Variants in PIK3C2G observed in about 807,000 individuals in gnomAD.
PIK3C2G encodes phosphatidylinositol-4-phosphate 3-kinase catalytic subunit type 2 gamma.
A neutral mutation model predicts 181.1 loss-of-function variants in PIK3C2G; 168 were observed. That is an observed-to-expected ratio of 0.93 (90% CI 0.82 to 1.05). The LOEUF (loss-of-function observed/expected upper bound fraction) is 1.05. Among genes scored for constraint, PIK3C2G ranks in the 50% least tolerant of loss-of-function variants. PIK3C2G has a pLI of 0.00. For synonymous variants in PIK3C2G, 573 were observed against 592.2 expected (o/e 0.97, Z 0.47); for missense variants, 1,869 against 1,732.8 (o/e 1.08, Z -1.40).
intron 12 of PIK3C2G, among the ~76,000 whole-genome samples, chr12:18,368,825 A>T (rs1397493871): frequency 2.6e-5 from 4 of 152,162 alleles, no homozygotes; most frequent in Non-Finnish European, 5.9e-5. Flanking sequence ...TGGTCATTGA[A>T]TTAAATTAAC....
Position 18,311,487 on chromosome 12 carries a change from TATAG to T in PIK3C2G, c.1035-2469_1035-2466del, listed in dbSNP as rs146089824. ...ATCTATATCTATATATCTCTATCTA[TATAG>T]ATAGACACACACATATATACACCTA... On this transcript the variant is annotated intron_variant, in intron 5 of 32. Coordinates refer to ENST00000538779, the MANE Select transcript of PIK3C2G (RefSeq NM_001288772.2). Among the ~76,000 whole-genome samples, 1,040 of 151,754 alleles carry T rather than the reference TATAG, an allele frequency of 6.9e-3. 8 individuals are homozygous for T. The highest frequency in any genetic ancestry group is 0.012 in the African/African-American group (503 of 41,366).
In PIK3C2G at chr12:18,350,734, G is replaced by A. The variant is rs550426191; in HGVS notation, c.1625+3898G>A. 3.3e-5 allele frequency among the ~76,000 whole-genome samples: 5 copies of A among 152,204 alleles called. No individual in the cohort carries two copies. The South Asian group carries it at 1.0e-3, about 32-fold the overall frequency. On this transcript the variant is annotated intron_variant, in intron 11 of 32. Transcript: ENST00000538779. ...TATACCAACCAAATATTGGCATAAA[G>A]ACCAACATAATGGACTCTGAATCAA...
In PIK3C2G at chr12:18,503,343, A is replaced by C; in HGVS notation, c.3079A>C (p.Ile1027Leu). The C allele has an allele frequency of 6.2e-7, 1 of 1,611,552 alleles. No individual in the cohort carries two copies. Among genetic ancestry groups the C allele is most frequent in the South Asian group, 1.1e-5 (1 of 90,914 alleles). ...AAAGATTCATCGCCATTCTGGACTG[A>C]TAGGACCATTGAAAGAAAATACAAT... ...LAKIHRHSGLIGPLKENTIKK... is the reference protein window; with the variant it reads ...LAKIHRHSGLLGPLKENTIKK... The change falls in exon 23 of 33, where the codon ATA becomes CTA. Residue 1027 changes from isoleucine to leucine, a missense_variant. Physicochemically the swap from Ile to Leu is conservative, Grantham distance 5 (BLOSUM62 2). Transcript: ENST00000538779.
intron 5 of PIK3C2G, among the ~76,000 whole-genome samples, chr12:18,303,335 C>CTCTT (rs149922332): frequency 1.4e-5 from 2 of 147,280 alleles, no homozygotes; most frequent in Middle Eastern, 3.5e-3. Context: ...TTCTCTCTCT[C>CTCTT]TCTTTCTTTC....
chr12:18,301,104 T>G (rs1183573670), intron 5 of PIK3C2G, among the ~76,000 whole-genome samples: 1 of 152,186 alleles, frequency 6.6e-6, no homozygotes, highest in African/African-American at 2.4e-5. Flanking sequence ...TCCTTCCATG[T>G]GACTCAATGC....
intron 24 of PIK3C2G, among the ~76,000 whole-genome samples, chr12:18,535,990 A>T (rs1202120668): frequency 1.3e-5 from 2 of 152,022 alleles, no homozygotes; most frequent in Non-Finnish European, 2.9e-5. Context: ...GGATAGCATT[A>T]GGAGATATAC....
intron 2 of PIK3C2G, among the ~76,000 whole-genome samples, chr12:18,286,237 A>T (rs567262027): frequency 6.6e-6 from 1 of 152,190 alleles, no homozygotes; most frequent in African/African-American, 2.4e-5. Context: ...TATATTCCCA[A>T]GCTATTCATG....
intron 1 of PIK3C2G, among the ~76,000 whole-genome samples, chr12:18,263,008 A>C (rs1948314920): frequency 6.6e-6 from 1 of 152,174 alleles, no homozygotes; most frequent in African/African-American, 2.4e-5. Flanking sequence ...GTTCTTAGCA[A>C]TAGACCTTTT....
At chr12:18,650,704 GTATATATCTATATA>G (rs1174709832), downstream of PIK3C2G, among the ~76,000 whole-genome samples, 103 of 57,766 alleles carry the variant, frequency 1.8e-3, 5 homozygotes, top group African/African-American at 5.1e-3. Flanking sequence ...GTGTGTGTGT[GTATATATCTATATA>G]TATATATATA....
At chr12:18,437,151 C>T (rs11044115) in intron 18 of PIK3C2G, among the ~76,000 whole-genome samples, 36,413 of 151,602 alleles carry the variant, frequency 0.24, 4,643 homozygotes, top group Admixed American at 0.35. Context: ...AAGGCTTTTA[C>T]TTTCAGGCTC....
intron 13 of PIK3C2G, among the ~76,000 whole-genome samples, chr12:18,378,855 C>CAGGAAA (rs1942640341): frequency 6.6e-6 from 1 of 152,136 alleles, no homozygotes; most frequent in Non-Finnish European, 1.5e-5. Context: ...ATTAAAAAGG[C>CAGGAAA]AGGAAACAAC....
intron 31 of PIK3C2G, among the ~76,000 whole-genome samples, chr12:18,613,659 C>T (rs1948454975): frequency 6.6e-6 from 1 of 151,986 alleles, no homozygotes. Context: ...ATCTCTTGGT[C>T]CCATGGATTC....
At chr12:18,424,130 T>G in intron 18 of PIK3C2G, 91 bp downstream of exon 18, 1 of 753,538 alleles carries the variant, frequency 1.3e-6, no homozygotes. Context: ...TTCTTTACCT[T>G]ATAATTGATA....
Position 18,314,002 on chromosome 12 carries a change from A to G in PIK3C2G, c.1075A>G (p.Lys359Glu), listed in dbSNP as rs767276843. 67 of 1,592,016 alleles carry G rather than the reference A, an allele frequency of 4.2e-5. No individual in the cohort carries two copies. The highest frequency in any genetic ancestry group is 5.7e-5 in the Non-Finnish European group (67 of 1,168,224). Residue 359 changes from lysine to glutamate, a missense_variant, in exon 6 of 33, where the codon AAA becomes GAA. Transcript: ENST00000538779. The part of the protein sequence containing the change: ...LGSHKMFQKD[K>E]SVIQLHLQKS... ...GAGCCACAAAATGTTTCAAAAAGAT[A>G]AATCTGTTATTCAGCTCCACCTGCA...
intron 31 of PIK3C2G, among the ~76,000 whole-genome samples, chr12:18,633,873 G>A (rs1205551354): frequency 6.6e-6 from 1 of 152,114 alleles, no homozygotes; most frequent in East Asian, 1.9e-4. Context: ...AGATCTCTAG[G>A]CTGGTAGTGT....
At chr12:18,484,170 T>A (rs1388057185) in intron 18 of PIK3C2G, among the ~76,000 whole-genome samples, 6 of 152,166 alleles carry the variant, frequency 3.9e-5, no homozygotes, top group Non-Finnish European at 8.8e-5. Flanking sequence ...TACAGGAAGG[T>A]ACTGGAAGTC....
At chr12:18,527,330 G>A (rs1245296008) in intron 24 of PIK3C2G, among the ~76,000 whole-genome samples, 1 of 152,140 alleles carries the variant, frequency 6.6e-6, no homozygotes. Flanking sequence ...TAAAGAAATA[G>A]TGCCCCACTT....
At chr12:18,347,780 T>C (rs558748034) in intron 11 of PIK3C2G, among the ~76,000 whole-genome samples, 4 of 151,684 alleles carry the variant, frequency 2.6e-5, no homozygotes, top group Non-Finnish European at 4.4e-5. Context: ...ATCGTGCCAC[T>C]GCACTCCAGC....
intron 13 of PIK3C2G, among the ~76,000 whole-genome samples, chr12:18,373,020 A>C (rs570975666): frequency 1.3e-5 from 2 of 152,174 alleles, no homozygotes; most frequent in Non-Finnish European, 2.9e-5. Context: ...ACATTTTTCA[A>C]AAAAAACCTG....
Sources: gnomAD v4.1 joint callset for allele counts (sites outside exome capture counted in the v4.1 genomes callset) on GRCh38, gnomAD v4.1.1 for gene constraint, MANE v1.5 for transcripts, NCBI Gene and HGNC (gene_info 2026-07-23, HGNC 2026-07-21) for gene names.